Variants in GPR141 observed in about 807,000 individuals in gnomAD.
The protein encoded by GPR141 is G protein-coupled receptor 141.
A neutral mutation model predicts 6.8 loss-of-function variants in GPR141; 6 were observed. That is an observed-to-expected ratio of 0.88 (90% confidence interval 0.48 to 1.74). The LOEUF (loss-of-function observed/expected upper bound fraction) is 1.74, where lower values mean the gene tolerates loss of function less well. GPR141 is among the 40% of genes most tolerant of loss of function. The pLI, the probability that GPR141 is intolerant of heterozygous loss-of-function variation, is 0.01. For missense variants in GPR141, 372 were observed against 372.9 expected (o/e 1.00, Z 0.02); for synonymous variants, 140 against 142.3 (o/e 0.98, Z 0.11).
chr7:37,689,329 AG>A (rs1407852550), intron 2 of GPR141, among the ~76,000 whole-genome samples: 1 of 152,146 alleles, frequency 6.6e-6, no homozygotes, highest in Non-Finnish European at 1.5e-5. Context: ...TGTGCTCATC[AG>A]GGATATAGGC....
intron 2 of GPR141, among the ~76,000 whole-genome samples, chr7:37,736,915 A>G (rs1419494375): frequency 6.6e-6 from 1 of 152,202 alleles, no homozygotes; most frequent in Non-Finnish European, 1.5e-5. Context: ...TAGGGATTGA[A>G]TGTTAATGAT....
At chr7:37,729,151 C>T (rs1811788435) in intron 2 of GPR141, among the ~76,000 whole-genome samples, 1 of 152,136 alleles carries the variant, frequency 6.6e-6, no homozygotes, top group African/African-American at 2.4e-5. Flanking sequence ...TTGCAAAGGG[C>T]TTACATGTCA....
chr7:37,710,495 C>T (rs1348706125), intron 2 of GPR141, among the ~76,000 whole-genome samples: 2 of 152,186 alleles, frequency 1.3e-5, no homozygotes, highest in Non-Finnish European at 2.9e-5. Context: ...AAAAACCTAT[C>T]ATCTTGCCCA....
intron 2 of GPR141, among the ~76,000 whole-genome samples, chr7:37,699,516 G>A (rs902855775): frequency 2.0e-4 from 30 of 152,170 alleles, no homozygotes; most frequent in African/African-American, 5.1e-4. Flanking sequence ...AGCTGAGATC[G>A]TGCCACTGCA....
chr7:37,690,777 AG>A (rs1344167045), intron 2 of GPR141, among the ~76,000 whole-genome samples: 4 of 152,070 alleles, frequency 2.6e-5, no homozygotes, highest in Non-Finnish European at 5.9e-5. Context: ...AAAAAAAAAA[AG>A]TGTATTCTGC....
At position 37,741,025 on chromosome 7, in the gene GPR141, T is replaced by C. The variant is rs1812530592; in HGVS notation, c.632T>C (p.Leu211Pro). The C allele has an allele frequency of 6.2e-7, 1 of 1,614,046 alleles. No homozygotes were observed. Among genetic ancestry groups the C allele is most frequent in the South Asian group, 1.1e-5 (1 of 91,086 alleles). The change falls in exon 3 of 3, where the codon CTA (leucine) becomes CCA (proline). Residue 211 changes from leucine to proline, a missense_variant. Leu to Pro is a moderately conservative substitution (Grantham distance 98). Transcript: ENST00000334425. ...ATCATTATGTTGATGGTGCAGAAGC[T>C]ACGCCACTCTTTACTATCCCACCAG... ...VFIIMLMVQK[L>P]RHSLLSHQEF... is the part of the protein sequence containing the mutation.
At chr7:37,684,852 A>T (rs1562760832) in intron 1 of GPR141, among the ~76,000 whole-genome samples, 4 of 152,204 alleles carry the variant, frequency 2.6e-5, no homozygotes, top group Admixed American at 2.0e-4. Context: ...TAGGATTTTA[A>T]TCAGTCAATA....
intron 2 of GPR141, among the ~76,000 whole-genome samples, chr7:37,727,205 A>G (rs1811675996): frequency 1.3e-5 from 2 of 152,196 alleles, no homozygotes; most frequent in African/African-American, 4.8e-5. Flanking sequence ...CTTTCAACAT[A>G]AACATTTTAT....
At chr7:37,704,939 G>A (rs1012814046) in intron 2 of GPR141, among the ~76,000 whole-genome samples, 2 of 152,174 alleles carry the variant, frequency 1.3e-5, no homozygotes, top group African/African-American at 2.4e-5. Context: ...ACTGTGAACC[G>A]AGGTCAACAC....
chr7:37,723,439 C>A (rs138853972), intron 2 of GPR141, among the ~76,000 whole-genome samples: 1 of 150,868 alleles, frequency 6.6e-6, no homozygotes, highest in Non-Finnish European at 1.5e-5. Context: ...GTGAATGGCA[C>A]GGAAGATGAG....
chr7:37,694,213 A>G (rs1323985418), intron 2 of GPR141, among the ~76,000 whole-genome samples: 2 of 152,226 alleles, frequency 1.3e-5, no homozygotes, highest in Admixed American at 1.3e-4. Context: ...AAGGGATGAG[A>G]AGCAGTGTGC....
chr7:37,718,302 C>A (rs563320563), intron 2 of GPR141, among the ~76,000 whole-genome samples: 2 of 152,050 alleles, frequency 1.3e-5, no homozygotes, highest in African/African-American at 4.8e-5. Flanking sequence ...TGAGGCCAGA[C>A]GTTCAAGGCC....
chr7:37,691,287 CCTTTTTT>C (rs1443628665), intron 2 of GPR141, among the ~76,000 whole-genome samples: 3 of 93,662 alleles, frequency 3.2e-5, no homozygotes, highest in Non-Finnish European at 5.7e-5. Flanking sequence ...CAGTCTATAT[CCTTTTTT>C]TTTTTTTTTT....
intron 2 of GPR141, among the ~76,000 whole-genome samples, chr7:37,702,814 A>AAAAT (rs55862520): frequency 0.32 from 45,697 of 144,680 alleles, 7,464 homozygotes; most frequent in African/African-American, 0.35. Context: ...TTCAAAAAAA[A>AAAAT]AAATAAATAA....
rs538142592 is a variant in GPR141, at chr7:37,698,735, CACT to C, written c.-15+13153_-15+13155del. The stretch of plus-strand genomic sequence containing the variant: ...ATTTTGCAATAGACTTGTTTTGTAC[CACT>C]TTGTCATGGCCTTAGAGTGATCTTA... On this transcript the variant is annotated intron_variant, in intron 2 of 2. Transcript: ENST00000334425. Among the ~76,000 whole-genome samples the C allele has an allele frequency of 7.1e-3, 1,080 of 152,154 alleles. 20 individuals are homozygous for C. The highest frequency in any genetic ancestry group is 4.1e-3 in the Non-Finnish European group (279 of 68,008).
At chr7:37,707,562 C>T (rs895329180) in intron 2 of GPR141, among the ~76,000 whole-genome samples, 1 of 152,184 alleles carries the variant, frequency 6.6e-6, no homozygotes. Flanking sequence ...TATGCCAAGT[C>T]TTATGATGTG....
chr7:37,740,500 T>C lies in GPR141; in HGVS notation c.107T>C (p.Ile36Thr), dbSNP rs1293960204. 7.4e-6 allele frequency: 12 copies of C among 1,614,002 alleles called. No individual in the cohort carries two copies. In the South Asian group the frequency reaches 1.1e-4, roughly 15 times the overall value. The stretch of plus-strand genomic sequence containing the variant: ...CTTATTGGCGGGCTGGTGGGTGTCA[T>C]TTCCATTCTTTTCCTCCTGGTGAAA... The part of the protein sequence containing the change: ...IVLIGGLVGV[I>T]SILFLLVKMN... Residue 36 changes from isoleucine to threonine, a missense_variant, in exon 3 of 3, where the codon ATT becomes ACT. By Grantham distance (89) the Ile-to-Thr change is moderately conservative. Coordinates refer to ENST00000334425, the MANE Select transcript of GPR141 (RefSeq NM_001381946.1).
At position 37,723,181 on chromosome 7, in the gene GPR141, C is replaced by T. The variant is rs150131784; in HGVS notation, c.-14-17199C>T. On this transcript the variant is annotated intron_variant, in intron 2 of 2. Coordinates refer to ENST00000334425, the MANE Select transcript of GPR141 (RefSeq NM_001381946.1). ...CTAATTTTTGTATTTTTAGTACAGACGGGATTTCACCATGTTGGCCATGCT... is the reference window on the plus strand; with the variant it reads ...CTAATTTTTGTATTTTTAGTACAGATGGGATTTCACCATGTTGGCCATGCT... Among the ~76,000 whole-genome samples the T allele has an allele frequency of 8.5e-3, 1,293 of 151,878 alleles. 5 individuals carry two copies. The highest frequency in any genetic ancestry group is 0.025 in the South Asian group (119 of 4,806).
chr7:37,690,671 G>T (rs192525250), intron 2 of GPR141, among the ~76,000 whole-genome samples: 4 of 152,018 alleles, frequency 2.6e-5, no homozygotes, highest in Admixed American at 2.0e-4. Context: ...GGTAAGAAAA[G>T]ATATTTGATA....
Sources: gnomAD v4.1 joint callset for allele counts (sites outside exome capture counted in the v4.1 genomes callset) on GRCh38, gnomAD v4.1.1 for gene constraint, MANE v1.5 for transcripts, NCBI Gene and HGNC (gene_info 2026-07-23, HGNC 2026-07-21) for gene names.